The following FIGLA variants were observed in gnomAD, a reference collection of about 807,000 sequenced individuals.
The protein encoded by FIGLA is factor in the germline alpha.
FIGLA carries 17 observed loss-of-function variants against 21.5 expected under a neutral mutation model. The ratio of observed to expected loss-of-function variants is 0.79; its 90% confidence interval spans 0.54 to 1.19. FIGLA has a LOEUF of 1.19. Among genes scored for constraint, FIGLA ranks in the 50% most tolerant of loss-of-function variants. FIGLA has a pLI of 0.00. For synonymous variants in FIGLA, 129 were observed against 117.6 expected (o/e 1.10, Z -0.63); for missense variants, 282 against 285.0 (o/e 0.99, Z 0.08).
At position 70,780,675 on chromosome 2, in the gene FIGLA, T is replaced by C. The variant is rs189131729; in HGVS notation, c.610-3004A>G. 2.0e-5 allele frequency among the ~76,000 whole-genome samples: 3 copies of C among 152,294 alleles called. No homozygotes were observed. In the East Asian group the frequency reaches 5.8e-4, roughly 29 times the overall value. On this transcript the variant is annotated intron_variant, in intron 3 of 4. Transcript: ENST00000332372. Reference sequence around the variant, plus strand: ...AGATAAATGTTAACAAAGAGAAAACTAGCCAGAAAGACGGCTGCACAGTAG... The same window carrying C: ...AGATAAATGTTAACAAAGAGAAAACCAGCCAGAAAGACGGCTGCACAGTAG...
At chr2:70,790,305 C>G in intron 1 of FIGLA, 103 bp downstream of exon 1, 1 of 1,279,774 alleles carries the variant, frequency 7.8e-7, no homozygotes, top group Non-Finnish European at 1.0e-6. Context: ...TCGAAGTCGC[C>G]TCGAGCGGGG....
rs530282949 is a variant in FIGLA at position 70,785,492 on chromosome 2, C to T, written c.532G>A (p.Gly178Ser). The change falls in exon 3 of 5, where the codon GGC (glycine) becomes AGC (serine). Residue 178 changes from glycine (G) to serine (S), a missense_variant. Gly to Ser is a moderately conservative substitution (Grantham distance 56). Transcript: ENST00000332372. The part of the protein sequence containing the change: ...NEEEGPWADG[G>S]SGEPAHACRH... ...CAAGCGTGTGCTGGCTCACCACTGC[C>T]ACCATCTGCCCAAGGCCCTTCCTCT... The T allele has an allele frequency of 3.7e-6, 6 of 1,613,988 alleles. No homozygotes were observed. The highest frequency in any genetic ancestry group is 1.6e-4 in the Middle Eastern group (1 of 6,062).
chr2:70,779,135 A>G (rs1553388771), intron 3 of FIGLA, among the ~76,000 whole-genome samples: 2 of 152,312 alleles, frequency 1.3e-5, no homozygotes, highest in East Asian at 3.9e-4. Flanking sequence ...TTTTCCTCTG[A>G]GCCACTGTGC....
At chr2:70,777,435 C>A in intron 4 of FIGLA, 53 bp from the exon 5 acceptor site, 1 of 1,391,814 alleles carries the variant, frequency 7.2e-7, no homozygotes, top group Non-Finnish European at 9.6e-7. Context: ...GAACCGTTTA[C>A]AAAAGAAATA....
intron 1 of FIGLA, among the ~76,000 whole-genome samples, chr2:70,789,129 A>T (rs1676009783): frequency 9.4e-6 from 1 of 106,854 alleles, no homozygotes; most frequent in African/African-American, 4.7e-5. Flanking sequence ...AAAATTACAC[A>T]AATATGTACT....
At chr2:70,785,768 A>T (rs1675943258) in intron 2 of FIGLA, 129 bp from the exon 3 acceptor site, 4 of 721,636 alleles carry the variant, frequency 5.5e-6, no homozygotes, top group Non-Finnish European at 9.5e-6. Context: ...TTAAGTCATT[A>T]TGGAGAGAAA....
In FIGLA at chr2:70,787,678, C is replaced by T; in HGVS notation, c.355G>A (p.Asp119Asn). 6.3e-7 allele frequency: 1 copy of T among 1,584,306 alleles called. No homozygotes were observed. Among genetic ancestry groups the T allele is most frequent in the South Asian group, 1.2e-5 (1 of 86,400 alleles). ...GATEYIQVLS[D>N]LLEGAKDSKK... is the part of the protein sequence containing the mutation. ...GAGTCTTTGGCTCCTTCCAAAAGATCACTGAGAACCTGTATATATTCAGTC... is the reference window on the plus strand; with the variant it reads ...GAGTCTTTGGCTCCTTCCAAAAGATTACTGAGAACCTGTATATATTCAGTC... The change falls in exon 2 of 5, where the codon GAT becomes AAT. Residue 119 changes from aspartate to asparagine, a missense_variant. By Grantham distance (23) the Asp-to-Asn change is conservative. Transcript: ENST00000332372.
intron 3 of FIGLA, among the ~76,000 whole-genome samples, chr2:70,781,417 G>A (rs1413599152): frequency 7.2e-5 from 11 of 152,286 alleles, no homozygotes; most frequent in African/African-American, 2.4e-4. Context: ...AGGAGCTTTC[G>A]CTGGCCACAG....
Position 70,785,420 on chromosome 2 carries a change from T to G in FIGLA, c.604A>C (p.Ser202Arg). Reference protein sequence around the residue: ...STTEIISPTRSLDRFPEVELL... With the variant: ...STTEIISPTRRLDRFPEVELL... ...TTTAAGAAGGAATATTTTACCAGAC[T>G]TCTGGTTGGGGAGATAATTTCAGTC... Residue 202 changes from serine (S) to arginine (R), a missense_variant, in exon 3 of 5, where the codon AGT (serine) becomes CGT (arginine). Transcript: ENST00000332372. 6.2e-7 allele frequency: 1 copy of G among 1,609,710 alleles called. No individual in the cohort carries two copies.
At chr2:70,783,153 T>G (rs982240381) in intron 3 of FIGLA, among the ~76,000 whole-genome samples, 1 of 152,016 alleles carries the variant, frequency 6.6e-6, no homozygotes, top group African/African-American at 2.4e-5. Context: ...AAAATGGCAC[T>G]CTTTACAATC....
At chr2:70,783,807 C>G (rs1168169148) in intron 3 of FIGLA, among the ~76,000 whole-genome samples, 1 of 151,708 alleles carries the variant, frequency 6.6e-6, no homozygotes, top group Non-Finnish European at 1.5e-5. Context: ...AAGCGATTCT[C>G]CTGCCTCAGC....
chr2:70,787,763 T>G lies in FIGLA; in HGVS notation c.270A>C (p.Ala90=), dbSNP rs1675982253. The G allele has an allele frequency of 1.2e-6, 2 of 1,613,234 alleles. No individual in the cohort carries two copies. The highest frequency in any genetic ancestry group is 1.7e-6 in the Non-Finnish European group (2 of 1,179,692). The part of the protein sequence containing the change: ...NLNRGFARLK[A]LVPFLPQSRK... Reference sequence around the variant, plus strand: ...TGCTTTGGGGAAGAAATGGCACAAGTGCCTTCAATCTGGCAAAACCACGGT... The same window carrying G: ...TGCTTTGGGGAAGAAATGGCACAAGGGCCTTCAATCTGGCAAAACCACGGT... The change falls in exon 2 of 5, where the codon GCA becomes GCC. Residue 90 remains alanine (A), a synonymous_variant. Coordinates refer to ENST00000332372, the MANE Select transcript of FIGLA (RefSeq NM_001004311.3).
At chr2:70,787,086 C>T (rs1675969915) in intron 2 of FIGLA, among the ~76,000 whole-genome samples, 1 of 152,200 alleles carries the variant, frequency 6.6e-6, no homozygotes, top group African/African-American at 2.4e-5. Context: ...ATGGTGGTGA[C>T]ATTATGATAC....
intron 3 of FIGLA, among the ~76,000 whole-genome samples, chr2:70,783,054 C>G (rs1466624991): frequency 2.8e-5 from 2 of 72,164 alleles, no homozygotes; most frequent in Non-Finnish European, 4.7e-5. Context: ...GAGACTCTGT[C>G]TCAAAAAAAA....
At chr2:70,784,467 G>C (rs777967684) in intron 3 of FIGLA, among the ~76,000 whole-genome samples, 1 of 152,146 alleles carries the variant, frequency 6.6e-6, no homozygotes, top group Non-Finnish European at 1.5e-5. Flanking sequence ...TACAAGGTAG[G>C]TACAATTATT....
intron 2 of FIGLA, among the ~76,000 whole-genome samples, chr2:70,786,309 CT>C (rs1335017598): frequency 2.3e-5 from 3 of 131,796 alleles, no homozygotes; most frequent in Non-Finnish European, 3.2e-5. Context: ...TCTAGGTTTT[CT>C]TTTTTTTGGG....
intron 1 of FIGLA, 133 bp downstream of exon 1, chr2:70,790,275 G>T (rs1411751203): frequency 1.3e-6 from 1 of 780,470 alleles, no homozygotes. Flanking sequence ...CAAGCTGGGG[G>T]CGTGGGAGGC....
chr2:70,782,022 T>C (rs1331769380), intron 3 of FIGLA, among the ~76,000 whole-genome samples: 1 of 152,196 alleles, frequency 6.6e-6, no homozygotes, highest in Non-Finnish European at 1.5e-5. Flanking sequence ...GCACAGCACT[T>C]TTCTGTACTA....
At chr2:70,788,601 C>A (rs916443937) in intron 1 of FIGLA, among the ~76,000 whole-genome samples, 1 of 152,122 alleles carries the variant, frequency 6.6e-6, no homozygotes, top group Non-Finnish European at 1.5e-5. Context: ...TATATCCTAC[C>A]CTGGAGCAAA....
Sources: allele counts gnomAD v4.1 joint callset (sites outside exome capture counted in the v4.1 genomes callset), GRCh38; gene constraint gnomAD v4.1.1; transcripts MANE v1.5; gene names NCBI Gene and HGNC (gene_info 2026-07-23, HGNC 2026-07-21).